CELF5: variants seen among roughly 807,000 people sequenced by gnomAD.
CELF5 encodes CUGBP Elav-like family member 5.
In CELF5, 6 loss-of-function variants were observed where a neutral mutation model predicts 54.9. The observed-to-expected ratio is 0.11, with a 90% CI of 0.06 to 0.22. The LOEUF (loss-of-function observed/expected upper bound fraction) is 0.22, where lower values mean the gene tolerates loss of function less well. Among genes scored for constraint, CELF5 ranks in the 10% least tolerant of loss-of-function variants. The pLI, the probability that CELF5 is intolerant of heterozygous loss-of-function variation, is 1.00. For missense variants in CELF5, 401 were observed against 678.6 expected (o/e 0.59, Z 4.54); for synonymous variants, 271 against 290.9 (o/e 0.93, Z 0.70).
intron 8 of CELF5, 69 bp from the exon 9 acceptor site, chr19:3,284,833 T>C: frequency 4.3e-6 from 6 of 1,381,784 alleles, no homozygotes; most frequent in East Asian, 4.6e-5. Context: ...CTTGCGGCTC[T>C]TAAGGATCGG....
chr19:3,283,336 A>C (rs138444949), intron 8 of CELF5, among the ~76,000 whole-genome samples: 7 of 152,056 alleles, frequency 4.6e-5, no homozygotes, highest in African/African-American at 1.7e-4. Flanking sequence ...CTAACTTTTT[A>C]TTTTTTTAAT....
chr19:3,292,379 G>GCTCAAGCGATTCTCCTGCCTCAGC (rs1166649789), intron 11 of CELF5, among the ~76,000 whole-genome samples: 22 of 151,630 alleles, frequency 1.5e-4, no homozygotes, highest in Non-Finnish European at 7.4e-5. Context: ...CATCTCCCAG[G>GCTCAAGCGATTCTCCTGCCTCAGC]CTCAAGCGAT....
At chr19:3,246,805 T>C (rs2079573611) in intron 1 of CELF5, among the ~76,000 whole-genome samples, 1 of 152,110 alleles carries the variant, frequency 6.6e-6, no homozygotes, top group Non-Finnish European at 1.5e-5. Context: ...CATGGGAGAA[T>C]GGATAAGCAA....
Position 3,229,779 on chromosome 19 carries a change from A to T in CELF5, c.259+4781A>T, listed in dbSNP as rs867035634. ...CGCTGAGGCCCGAAGCGTGAGGAGG[A>T]TGCACTGACGGGGAAAGGTGTTCCT... is the stretch of plus-strand genomic sequence containing the variant. On this transcript the variant is annotated intron_variant, in intron 1 of 12. Transcript: ENST00000292672. Among the ~76,000 whole-genome samples, 5 of 152,068 alleles carry T rather than the reference A, an allele frequency of 3.3e-5. No homozygotes were observed. The South Asian group carries it at 8.3e-4, about 25-fold the overall frequency.
In CELF5 at chr19:3,224,762, A is replaced by G; in HGVS notation, c.23A>G (p.Glu8Gly). The G allele has an allele frequency of 7.0e-7, 1 of 1,429,362 alleles. No homozygotes were observed. The allele number at this position is 1,429,362 out of a possible 1,614,324, so 88.5% of individuals were successfully genotyped here. MARLTES[E>G]ARRQQQQLLQ... ...GCCATGGCCCGCCTGACGGAGAGCGAGGCGCGCCGGCAGCAGCAGCAGCTC... is the reference window on the plus strand; with the variant it reads ...GCCATGGCCCGCCTGACGGAGAGCGGGGCGCGCCGGCAGCAGCAGCAGCTC... The change falls in exon 1 of 13, where the codon GAG (glutamate) becomes GGG (glycine). Residue 8 changes from glutamate (E) to glycine (G), a missense_variant. By Grantham distance (98) the Glu-to-Gly change is moderately conservative. Transcript: ENST00000292672.
chr19:3,233,220 G>A (rs1228972878), intron 1 of CELF5, among the ~76,000 whole-genome samples: 1 of 152,158 alleles, frequency 6.6e-6, no homozygotes, highest in African/African-American at 2.4e-5. Context: ...CTGGGGAGGT[G>A]GAGGCTACAG....
intron 1 of CELF5, among the ~76,000 whole-genome samples, chr19:3,225,775 C>T (rs1262290224): frequency 2.0e-5 from 3 of 152,032 alleles, no homozygotes; most frequent in East Asian, 2.0e-4. Context: ...TCTGCCCTCC[C>T]CCTCCCCCGC....
chr19:3,267,846 C>T (rs557532808), intron 2 of CELF5, among the ~76,000 whole-genome samples: 4 of 152,270 alleles, frequency 2.6e-5, no homozygotes, highest in African/African-American at 9.6e-5. Context: ...CCTACCTCCC[C>T]TGCTTACCTC....
Position 3,268,241 on chromosome 19 carries a change from C to T in CELF5, c.343-5631C>T, listed in dbSNP as rs564032312. ...CTCGAACTCCTGACCTCAGGTGATC[C>T]GCCCGCCTCAGCCTCCCAAAGTGCT... On this transcript the variant is annotated intron_variant, in intron 2 of 12. Coordinates refer to ENST00000292672, the MANE Select transcript of CELF5 (RefSeq NM_021938.4). This position sits in a 1 kb window ranked among gnomAD's most constrained non-coding sequence, Gnocchi z 4.4. Among the ~76,000 whole-genome samples the T allele has an allele frequency of 1.3e-3, 197 of 152,102 alleles. No homozygotes were observed. The highest frequency in any genetic ancestry group is 4.6e-3 in the African/African-American group (191 of 41,496).
At chr19:3,280,562 C>A (rs2080132502) in intron 5 of CELF5, among the ~76,000 whole-genome samples, 1 of 151,994 alleles carries the variant, frequency 6.6e-6, no homozygotes, top group South Asian at 2.1e-4. Context: ...GCAACAAGAG[C>A]GAAACTCCGT....
chr19:3,279,051 G>A (rs2080105428), intron 5 of CELF5, among the ~76,000 whole-genome samples: 1 of 152,144 alleles, frequency 6.6e-6, no homozygotes, highest in African/African-American at 2.4e-5. Context: ...ATCCCTTTGG[G>A]GCTAATGTAG....
At chr19:3,259,252 G>T (rs2079774111) in intron 2 of CELF5, among the ~76,000 whole-genome samples, 1 of 152,118 alleles carries the variant, frequency 6.6e-6, no homozygotes, top group Admixed American at 6.5e-5. Context: ...GTAAGGAGGG[G>T]TCTCAACCAG....
At chr19:3,271,534 G>C (rs900805842) in intron 2 of CELF5, among the ~76,000 whole-genome samples, 6 of 152,154 alleles carry the variant, frequency 3.9e-5, no homozygotes. Flanking sequence ...GGGAGGCAGG[G>C]GCCTCTTGGT....
At chr19:3,286,293 T>G in intron 10 of CELF5, 1 of 416,572 alleles carries the variant, frequency 2.4e-6, no homozygotes, top group Non-Finnish European at 4.2e-6. Context: ...GAACCAAGAG[T>G]GATTCTCTGG....
chr19:3,262,928 G>A (rs1474641320), intron 2 of CELF5, among the ~76,000 whole-genome samples: 1 of 151,372 alleles, frequency 6.6e-6, no homozygotes, highest in Non-Finnish European at 1.5e-5. Context: ...GATAGAGTGA[G>A]ACTCTGTCTC....
At chr19:3,270,993 C>T (rs1382456844) in intron 2 of CELF5, among the ~76,000 whole-genome samples, 1 of 152,060 alleles carries the variant, frequency 6.6e-6, no homozygotes, top group African/African-American at 2.4e-5. Flanking sequence ...TCCCTCCCTC[C>T]CTCGTCCATC....
intron 11 of CELF5, 41 bp from the exon 12 acceptor site, chr19:3,293,278 C>T: frequency 6.2e-7 from 1 of 1,611,328 alleles, no homozygotes; most frequent in East Asian, 2.2e-5. Flanking sequence ...GCCGAGGACA[C>T]CCGCAGCGCC....
intron 2 of CELF5, among the ~76,000 whole-genome samples, chr19:3,251,387 C>T (rs2079644997): frequency 6.6e-6 from 1 of 152,076 alleles, no homozygotes; most frequent in South Asian, 2.1e-4. Flanking sequence ...AGGCAGAGGG[C>T]ACAGCATGTG....
chr19:3,287,859 T>C (rs1408843077), intron 10 of CELF5, among the ~76,000 whole-genome samples: 2 of 152,210 alleles, frequency 1.3e-5, no homozygotes, highest in Non-Finnish European at 2.9e-5. Flanking sequence ...CTCCATGTTA[T>C]GTGGTTTAGA....
Sources: allele counts gnomAD v4.1 joint callset (sites outside exome capture counted in the v4.1 genomes callset), GRCh38; gene constraint gnomAD v4.1.1; non-coding constraint Gnocchi (gnomAD v3.1); transcripts MANE v1.5; gene names NCBI Gene and HGNC (gene_info 2026-07-23, HGNC 2026-07-21).